FRMD5: variants seen among roughly 807,000 people sequenced by gnomAD.
FRMD5 encodes FERM domain-containing protein 5.
In FRMD5, 20 loss-of-function variants were observed where a neutral mutation model predicts 69.0. That is an observed-to-expected ratio of 0.29 (90% CI 0.20 to 0.42). The LOEUF is 0.42. Among genes scored for constraint, FRMD5 ranks in the 10% least tolerant of loss-of-function variants. FRMD5 has a pLI of 1.00. For missense variants in FRMD5, 595 were observed against 708.6 expected (o/e 0.84, Z 1.82); for synonymous variants, 271 against 260.1 (o/e 1.04, Z -0.40).
intron 1 of FRMD5, among the ~76,000 whole-genome samples, chr15:44,115,195 C>T (rs1007439765): frequency 6.6e-6 from 1 of 152,048 alleles, no homozygotes; most frequent in Non-Finnish European, 1.5e-5. Context: ...GAACATAAGT[C>T]AAATTATATA....
intron 1 of FRMD5, among the ~76,000 whole-genome samples, chr15:43,970,948 C>G (rs1381061097): frequency 6.6e-6 from 1 of 151,906 alleles, no homozygotes; most frequent in Non-Finnish European, 1.5e-5. Context: ...AAATTCAGGC[C>G]CTTTAGAAAT....
intron 1 of FRMD5, among the ~76,000 whole-genome samples, chr15:43,967,242 T>C (rs1327345629): frequency 6.6e-6 from 1 of 150,484 alleles, no homozygotes; most frequent in Admixed American, 6.6e-5. Flanking sequence ...TATATATATA[T>C]ATATGTTTGG....
chr15:44,177,445 T>C (rs1481228325), intron 1 of FRMD5, among the ~76,000 whole-genome samples: 1 of 151,966 alleles, frequency 6.6e-6, no homozygotes, highest in African/African-American at 2.4e-5. Context: ...TTATACTAAG[T>C]GAAAGAAGTT....
upstream of FRMD5, among the ~76,000 whole-genome samples, chr15:44,196,579 T>C (rs566181641): frequency 6.6e-6 from 1 of 152,314 alleles, no homozygotes; most frequent in East Asian, 1.9e-4. Flanking sequence ...CTGTTCTTGT[T>C]TATAGGTATA....
chr15:43,962,251 A>T (rs1036917722), intron 1 of FRMD5, among the ~76,000 whole-genome samples: 2 of 152,038 alleles, frequency 1.3e-5, no homozygotes, highest in East Asian at 1.9e-4. Context: ...AGCATTCTTA[A>T]ACACCAATAA....
chr15:43,949,797 C>A (rs1168307867), intron 1 of FRMD5, among the ~76,000 whole-genome samples: 1 of 152,054 alleles, frequency 6.6e-6, no homozygotes, highest in African/African-American at 2.4e-5. Context: ...CAGGAAAATA[C>A]CCTGGACACA....
At chr15:44,077,861 GAGA>G (rs1893834631) in intron 1 of FRMD5, among the ~76,000 whole-genome samples, 1 of 152,112 alleles carries the variant, frequency 6.6e-6, no homozygotes, top group South Asian at 2.1e-4. Context: ...TCATGAAGAT[GAGA>G]AGGACTTATC....
chr15:44,096,939 C>A (rs1199806893), intron 1 of FRMD5, among the ~76,000 whole-genome samples: 1 of 152,178 alleles, frequency 6.6e-6, no homozygotes, highest in Admixed American at 6.5e-5. Context: ...CATATCTCAC[C>A]CTTATTGATG....
chr15:44,161,023 G>C (rs1373701106), intron 1 of FRMD5, among the ~76,000 whole-genome samples: 3 of 152,176 alleles, frequency 2.0e-5, no homozygotes, highest in African/African-American at 7.2e-5. Flanking sequence ...TGGCACAAAA[G>C]AGTAAATACA....
In FRMD5 at chr15:43,902,213, T is replaced by A. The variant is rs753731248; in HGVS notation, c.601A>T (p.Thr201Ser). ...SELNFLRKAQ[T>S]LETYGVDPHP... ...GGATCCACTCCATATGTTTCCAATG[T>A]CTGTGCTTTTCTTAAGAAGTTCAGC... The change falls in exon 7 of 14, where the codon ACA becomes TCA. Residue 201 changes from threonine to serine, a missense_variant. By Grantham distance (58) the Thr-to-Ser change is moderately conservative (BLOSUM62 1). Transcript: ENST00000417257. 1.2e-6 allele frequency: 2 copies of A among 1,614,168 alleles called. No individual in the cohort carries two copies. Among genetic ancestry groups the A allele is most frequent in the Non-Finnish European group, 1.7e-6 (2 of 1,179,988 alleles).
intron 1 of FRMD5, among the ~76,000 whole-genome samples, chr15:44,111,945 G>A (rs1020337271): frequency 1.3e-5 from 2 of 151,452 alleles, no homozygotes; most frequent in Non-Finnish European, 2.9e-5. Context: ...CCGGGTTCAC[G>A]CCATTCTCCT....
chr15:43,874,177 G>C lies in FRMD5; in HGVS notation c.1421C>G (p.Ala474Gly). The change falls in exon 14 of 14, where the codon GCC (alanine) becomes GGC (glycine). Residue 474 changes from alanine to glycine, a missense_variant. Ala to Gly is a moderately conservative substitution (Grantham distance 60). Coordinates refer to ENST00000417257, the MANE Select transcript of FRMD5 (RefSeq NM_032892.5). ...CAGGGCCCTCAGCTCTCCCCCAAGGGCCTCCACCTCTGTAGCAGTTGGGGT... is the reference window on the plus strand; with the variant it reads ...CAGGGCCCTCAGCTCTCCCCCAAGGCCCTCCACCTCTGTAGCAGTTGGGGT... Reference protein sequence around the residue: ...ASTPTATEVEALGGELRALCQ... With the variant: ...ASTPTATEVEGLGGELRALCQ... 1 of 1,614,196 alleles carries C rather than the reference G, an allele frequency of 6.2e-7. No individual in the cohort carries two copies. The highest frequency in any genetic ancestry group is 1.1e-5 in the South Asian group (1 of 91,082).
chr15:44,145,108 ATTTCTCTGTT>A (rs1438072659), intron 1 of FRMD5, among the ~76,000 whole-genome samples: 1 of 152,174 alleles, frequency 6.6e-6, no homozygotes, highest in Non-Finnish European at 1.5e-5. Context: ...ACAGCAGCCT[ATTTCTCTGTT>A]TTTGCTCCTG....
intron 5 of FRMD5, among the ~76,000 whole-genome samples, chr15:43,907,478 G>A (rs557635874): frequency 1.4e-4 from 21 of 150,818 alleles, no homozygotes; most frequent in Admixed American, 5.3e-4. Flanking sequence ...GAAGTGATCC[G>A]CCCACCTCAG....
intron 1 of FRMD5, among the ~76,000 whole-genome samples, chr15:44,137,545 C>T (rs1163777707): frequency 2.6e-5 from 4 of 152,078 alleles, no homozygotes; most frequent in Non-Finnish European, 4.4e-5. Context: ...GGTAAGGAAG[C>T]CTAACTAGTA....
intron 1 of FRMD5, among the ~76,000 whole-genome samples, chr15:44,142,239 T>G (rs901385818): frequency 2.1e-4 from 32 of 152,220 alleles, no homozygotes; most frequent in African/African-American, 7.7e-4. Context: ...TTTTTCTATC[T>G]GGCCATCAAA....
chr15:43,920,634 TTAGG>T (rs2089477471), intron 2 of FRMD5, among the ~76,000 whole-genome samples: 2 of 152,214 alleles, frequency 1.3e-5, no homozygotes, highest in Admixed American at 6.5e-5. Flanking sequence ...CTAATCAAGA[TTAGG>T]TAGGACTGCT....
intron 1 of FRMD5, among the ~76,000 whole-genome samples, chr15:44,042,866 A>C (rs1449429100): frequency 1.3e-5 from 2 of 152,250 alleles, no homozygotes; most frequent in African/African-American, 4.8e-5. Flanking sequence ...GAAAACCGGC[A>C]CAAGACAAGG....
At chr15:44,002,981 A>C (rs2140180354) in intron 1 of FRMD5, among the ~76,000 whole-genome samples, 1 of 152,242 alleles carries the variant, frequency 6.6e-6, no homozygotes, top group East Asian at 1.9e-4. Context: ...GGATACAAGG[A>C]AAGAATTCCC....
Sources: allele counts gnomAD v4.1 joint callset (sites outside exome capture counted in the v4.1 genomes callset), GRCh38; gene constraint gnomAD v4.1.1; transcripts MANE v1.5; gene names NCBI Gene and HGNC (gene_info 2026-07-23, HGNC 2026-07-21).